Variants in OTOP2 observed in about 807,000 individuals in gnomAD.
OTOP2 encodes the protein proton channel OTOP2.
A neutral mutation model predicts 47.4 loss-of-function variants in OTOP2; 41 were observed. The observed-to-expected ratio is 0.87, with a 90% confidence interval of 0.67 to 1.12. The LOEUF (loss-of-function observed/expected upper bound fraction) is 1.12, where lower values mean the gene tolerates loss of function less well. Among genes scored for constraint, OTOP2 ranks in the 50% most tolerant of loss-of-function variants. The pLI, the probability that OTOP2 is intolerant of heterozygous loss-of-function variation, is 0.00. For missense variants in OTOP2, 721 were observed against 752.2 expected, an observed-to-expected ratio of 0.96 and a Z score of 0.49; for synonymous variants, 328 against 319.6, an observed-to-expected ratio of 1.03 and a Z score of -0.28.
At position 74,930,818 on chromosome 17, in the gene OTOP2, C is replaced by A. The variant is rs754173878; in HGVS notation, c.1183C>A (p.Pro395Thr). The part of the protein sequence containing the change: ...YSIVAVVAGT[P>T]QDLLAGLNLT... ...CATCGTGGCTGTGGTGGCGGGCACA[C>A]CCCAGGACCTGCTGGCAGGGCTCAA... Residue 395 changes from proline to threonine, a missense_variant, in exon 6 of 7, where the codon CCC (proline) becomes ACC (threonine). Physicochemically the swap from Pro to Thr is conservative, Grantham distance 38. Transcript: ENST00000331427. The surrounding 1 kb of genome is among the most constrained non-coding windows in gnomAD (Gnocchi z 4.0). The A allele has an allele frequency of 3.1e-6, 5 of 1,614,144 alleles. No individual in the cohort carries two copies. In the South Asian group the frequency reaches 3.3e-5, roughly 11 times the overall value.
intron 5 of OTOP2, among the ~76,000 whole-genome samples, chr17:74,929,545 C>T (rs1389871709): frequency 6.6e-6 from 1 of 152,180 alleles, no homozygotes; most frequent in East Asian, 1.9e-4. Context: ...CCTGCCTCAA[C>T]CTCCCGTGTA....
rs1367547829 is a variant in OTOP2 at position 74,933,501 on chromosome 17, A to T, written c.1645A>T (p.Met549Leu). Reference sequence around the variant, plus strand: ...CCTCCCTTTCGGCATCTTCTACCGCATGCACGCTGTGTCCAGCCTGCTGGA... The same window carrying T: ...CCTCCCTTTCGGCATCTTCTACCGCTTGCACGCTGTGTCCAGCCTGCTGGA... The part of the protein sequence containing the change: ...ICLPFGIFYR[M>L]HAVSSLLEVY... Residue 549 changes from methionine (M) to leucine (L), a missense_variant, in exon 7 of 7, where the codon ATG becomes TTG. Physicochemically the swap from Met to Leu is conservative, Grantham distance 15 (BLOSUM62 2). Coordinates refer to ENST00000331427, the MANE Select transcript of OTOP2 (RefSeq NM_178160.3). This position sits in a 1 kb window ranked among gnomAD's most constrained non-coding sequence, Gnocchi z 4.7. 1.2e-6 allele frequency: 2 copies of T among 1,613,956 alleles called. No homozygotes were observed. Among genetic ancestry groups the T allele is most frequent in the East Asian group, 4.5e-5 (2 of 44,884 alleles).
Position 74,933,002 on chromosome 17 carries a change from C to G in OTOP2, c.1519-373C>G, listed in dbSNP as rs539882686. Among the ~76,000 whole-genome samples the G allele has an allele frequency of 6.6e-6, 1 of 152,172 alleles. No homozygotes were observed. The highest frequency in any genetic ancestry group is 1.9e-4 in the East Asian group (1 of 5,172). ...CCTATCTGATTCTGCCACCCCCACC[C>G]CTGTGCACAAAACCCCCCAGGACAG... On this transcript the variant is annotated intron_variant, in intron 6 of 6. Coordinates refer to ENST00000331427, the MANE Select transcript of OTOP2 (RefSeq NM_178160.3). This position sits in a 1 kb window ranked among gnomAD's most constrained non-coding sequence, Gnocchi z 4.7.
Position 74,933,372 on chromosome 17 carries a change from C to T in OTOP2, c.1519-3C>T. The T allele has an allele frequency of 1.2e-6, 2 of 1,601,014 alleles. No individual in the cohort carries two copies. Among genetic ancestry groups the T allele is most frequent in the South Asian group, 1.1e-5 (1 of 90,028 alleles). On this transcript the variant is annotated splice_polypyrimidine_tract_variant and splice_region_variant and intron_variant, in intron 6 of 6. Coordinates refer to ENST00000331427, the MANE Select transcript of OTOP2 (RefSeq NM_178160.3). The surrounding 1 kb of genome is among the most constrained non-coding windows in gnomAD (Gnocchi z 4.7). Reference sequence around the variant, plus strand: ...CTCCTGAAATGCTCCTCTCTCCACACAGCTGTGGATCATGCCTGCCTTCGG... The same window carrying T: ...CTCCTGAAATGCTCCTCTCTCCACATAGCTGTGGATCATGCCTGCCTTCGG...
rs529104654 is a variant in OTOP2, at chr17:74,931,343, C to G, written c.1518+190C>G. ...GGGGCAAATGGCATCTCAGGGCACA[C>G]AGAGAAAATGAAATCCTAGCGTTCT... is the stretch of plus-strand genomic sequence containing the variant. On this transcript the variant is annotated intron_variant, in intron 6 of 6. Transcript: ENST00000331427. Among the ~76,000 whole-genome samples the G allele has an allele frequency of 1.3e-4, 20 of 152,246 alleles. No homozygotes were observed. The East Asian group carries it at 3.9e-3, about 29-fold the overall frequency.
chr17:74,925,524 A>G, intron 2 of OTOP2, 32 bp from the exon 3 acceptor site: 1 of 1,606,686 alleles, frequency 6.2e-7, no homozygotes, highest in Non-Finnish European at 8.5e-7. Context: ...TCTTTGATCC[A>G]CCACCACCAC....
chr17:74,931,551 G>A (rs1316699270), intron 6 of OTOP2, among the ~76,000 whole-genome samples: 1 of 152,198 alleles, frequency 6.6e-6, no homozygotes, highest in East Asian at 1.9e-4. Context: ...AACAGTGTCA[G>A]GAAGTAGCGG....
Position 74,933,618 on chromosome 17 carries a change from A to G in OTOP2, c.*73A>G, listed in dbSNP as rs2039080122. The G allele has an allele frequency of 2.1e-6, 3 of 1,453,830 alleles. No individual in the cohort carries two copies. The highest frequency in any genetic ancestry group is 2.8e-6 in the Non-Finnish European group (3 of 1,076,628). The allele number at this position is 1,453,830 out of a possible 1,614,324, so 90.1% of individuals were successfully genotyped here. A position where few individuals can be genotyped will look rare whatever the true frequency, so the allele number is the denominator to read the frequency against. On this transcript the variant is annotated 3_prime_UTR_variant, in exon 7 of 7. Transcript: ENST00000331427. This position sits in a 1 kb window ranked among gnomAD's most constrained non-coding sequence, Gnocchi z 4.7. Reference sequence around the variant, plus strand: ...GTGCCCACTCAGACACCCTCTGGGAATGAATCCCAGCTGGTGCCATATGAC... The same window carrying G: ...GTGCCCACTCAGACACCCTCTGGGAGTGAATCCCAGCTGGTGCCATATGAC...
At position 74,930,301 on chromosome 17, in the gene OTOP2, A is replaced by T; in HGVS notation, c.666A>T (p.Gly222=). The change falls in exon 6 of 7, where the codon GGA becomes GGT. Residue 222 remains glycine (G), a synonymous_variant. Transcript: ENST00000331427. The surrounding 1 kb of genome is among the most constrained non-coding windows in gnomAD (Gnocchi z 4.0). ...ISDQHADNPV[G]GDSCLCSTAV... ...CAGAGCATGCAGACAACCCGGTCGG[A>T]GGAGACTCCTGCCTCTGCAGCACGG... 1 of 1,613,446 alleles carries T rather than the reference A, an allele frequency of 6.2e-7. No homozygotes were observed. Among genetic ancestry groups the T allele is most frequent in the Non-Finnish European group, 8.5e-7 (1 of 1,179,528 alleles).
At chr17:74,926,881 A>C (rs2039012831) in intron 3 of OTOP2, among the ~76,000 whole-genome samples, 1 of 151,330 alleles carries the variant, frequency 6.6e-6, no homozygotes, top group Non-Finnish European at 1.5e-5. Flanking sequence ...TCAGCCTCCC[A>C]AGTAGCTGGG....
At chr17:74,927,635 C>A in intron 4 of OTOP2, 30 bp from the exon 5 acceptor site, 1 of 1,598,410 alleles carries the variant, frequency 6.3e-7, no homozygotes, top group South Asian at 1.1e-5. Flanking sequence ...GGTCACAGGC[C>A]TCTTTGTCCC....
In OTOP2 at chr17:74,933,548, C is replaced by T. The variant is rs755496368; in HGVS notation, c.*3C>T. The T allele has an allele frequency of 1.3e-6, 2 of 1,587,892 alleles. No homozygotes were observed. The highest frequency in any genetic ancestry group is 1.7e-6 in the Non-Finnish European group (2 of 1,160,018). On this transcript the variant is annotated 3_prime_UTR_variant, in exon 7 of 7. Transcript: ENST00000331427. This position sits in a 1 kb window ranked among gnomAD's most constrained non-coding sequence, Gnocchi z 4.7. ...TGGAGGTCTACGTGCTGTCCTGAGGCCTCCAACAGAGGCATGGGGGGCAGG... is the reference window on the plus strand; with the variant it reads ...TGGAGGTCTACGTGCTGTCCTGAGGTCTCCAACAGAGGCATGGGGGGCAGG...
rs772829365 is a variant in OTOP2, at chr17:74,925,585, C to T, written c.343C>T (p.Leu115Phe). The part of the protein sequence containing the change: ...GGLVLFGICT[L>F]IMDVFKTGYY... ...GCTGGTGCTGTTTGGAATCTGCACC[C>T]TCATCATGGATGTCTTCAAGACCGG... Residue 115 changes from leucine (L) to phenylalanine (F), a missense_variant, in exon 3 of 7, where the codon CTC becomes TTC. Physicochemically the swap from Leu to Phe is conservative, Grantham distance 22. Coordinates refer to ENST00000331427, the MANE Select transcript of OTOP2 (RefSeq NM_178160.3). 1 of 1,614,130 alleles carries T rather than the reference C, an allele frequency of 6.2e-7. No homozygotes were observed. The highest frequency in any genetic ancestry group is 8.5e-7 in the Non-Finnish European group (1 of 1,179,998).
chr17:74,931,878 C>T (rs1022339215), intron 6 of OTOP2, among the ~76,000 whole-genome samples: 4 of 149,026 alleles, frequency 2.7e-5, no homozygotes, highest in African/African-American at 9.9e-5. Flanking sequence ...ATTGTTTGAA[C>T]CCAGGAGGCG....
chr17:74,930,891 T>C lies in OTOP2; in HGVS notation c.1256T>C (p.Met419Thr). The C allele has an allele frequency of 6.2e-7, 1 of 1,613,898 alleles. No homozygotes were observed. The highest frequency in any genetic ancestry group is 8.5e-7 in the Non-Finnish European group (1 of 1,180,004). ...ATCGCCCAGCACACCTTCCAGAACA[T>C]GTTTATCATCGAGAGCCTTCACCGA... ...LMIAQHTFQN[M>T]FIIESLHRGP... is the part of the protein sequence containing the mutation. The change falls in exon 6 of 7, where the codon ATG becomes ACG. Residue 419 changes from methionine to threonine, a missense_variant. Transcript: ENST00000331427. This position sits in a 1 kb window ranked among gnomAD's most constrained non-coding sequence, Gnocchi z 4.0.
chr17:74,933,491 C>G lies in OTOP2; in HGVS notation c.1635C>G (p.Ile545Met). 1 of 1,614,146 alleles carries G rather than the reference C, an allele frequency of 6.2e-7. No homozygotes were observed. The highest frequency in any genetic ancestry group is 8.5e-7 in the Non-Finnish European group (1 of 1,179,992). The change falls in exon 7 of 7, where the codon ATC (isoleucine) becomes ATG (methionine). Residue 545 changes from isoleucine (I) to methionine (M), a missense_variant. Physicochemically the swap from Ile to Met is conservative, Grantham distance 10. Transcript: ENST00000331427. This position sits in a 1 kb window ranked among gnomAD's most constrained non-coding sequence, Gnocchi z 4.7. The stretch of plus-strand genomic sequence containing the variant: ...TCAACATCTGCCTCCCTTTCGGCAT[C>G]TTCTACCGCATGCACGCTGTGTCCA... ...VIVNICLPFG[I>M]FYRMHAVSSL... is the part of the protein sequence containing the mutation.
intron 4 of OTOP2, 60 bp downstream of exon 4, chr17:74,927,341 T>G: frequency 6.5e-7 from 1 of 1,541,890 alleles, no homozygotes; most frequent in Non-Finnish European, 9.0e-7. Context: ...GCAGGAGAGA[T>G]TCAGGCTTTC....
At chr17:74,932,904 A>G (rs1446111764) in intron 6 of OTOP2, among the ~76,000 whole-genome samples, 1 of 152,048 alleles carries the variant, frequency 6.6e-6, no homozygotes, top group Non-Finnish European at 1.5e-5. Context: ...ATGAGGGGAG[A>G]GCTGGAGGGC....
intron 5 of OTOP2, among the ~76,000 whole-genome samples, chr17:74,928,983 G>A (rs2039032835): frequency 1.3e-5 from 2 of 152,208 alleles, no homozygotes; most frequent in South Asian, 4.1e-4. Context: ...GGGCCTGCAG[G>A]CTGGAGAGAG....
Sources: gnomAD v4.1 joint callset for allele counts (sites outside exome capture counted in the v4.1 genomes callset) on GRCh38, gnomAD v4.1.1 for gene constraint, Gnocchi (gnomAD v3.1) non-coding constraint, MANE v1.5 for transcripts, NCBI Gene and HGNC (gene_info 2026-07-23, HGNC 2026-07-21) for gene names.